ATXN7L1: variants seen among roughly 807,000 people sequenced by gnomAD.
The protein encoded by ATXN7L1 is ataxin-7-like protein 1.
A neutral mutation model predicts 70.8 loss-of-function variants in ATXN7L1; 15 were observed. That is an observed-to-expected ratio of 0.21 (90% CI 0.14 to 0.33). The LOEUF is 0.33. ATXN7L1 is among the 10% of genes least tolerant of loss of function. The pLI, the probability that ATXN7L1 is intolerant of heterozygous loss-of-function variation, is 1.00. For synonymous variants in ATXN7L1, 440 were observed against 445.1 expected (o/e 0.99, Z 0.14); for missense variants, 975 against 1,097.1 (o/e 0.89, Z 1.57).
At chr7:105,702,797 C>A (rs1003330646) in intron 3 of ATXN7L1, among the ~76,000 whole-genome samples, 1 of 151,892 alleles carries the variant, frequency 6.6e-6, no homozygotes, top group East Asian at 1.9e-4. Flanking sequence ...CTGACCAACA[C>A]GGAGAAACCC....
chr7:105,625,449 CCA>C (rs1795559027), intron 7 of ATXN7L1, among the ~76,000 whole-genome samples: 1 of 152,078 alleles, frequency 6.6e-6, no homozygotes, highest in Admixed American at 6.6e-5. Context: ...CAGGGTTTCA[CCA>C]TGTTGGCCAG....
chr7:105,793,865 A>T (rs550076728), intron 2 of ATXN7L1, among the ~76,000 whole-genome samples: 1 of 152,290 alleles, frequency 6.6e-6, no homozygotes, highest in South Asian at 2.1e-4. Flanking sequence ...TTCAGATGAG[A>T]AAACAGAGGT....
At chr7:105,841,149 A>G (rs1379660287) in intron 2 of ATXN7L1, among the ~76,000 whole-genome samples, 4 of 152,182 alleles carry the variant, frequency 2.6e-5, no homozygotes, top group Non-Finnish European at 5.9e-5. Context: ...CCGGTGTCTA[A>G]TGGCATTGGA....
chr7:105,849,607 G>A (rs1472654188), intron 2 of ATXN7L1, among the ~76,000 whole-genome samples: 1 of 152,214 alleles, frequency 6.6e-6, no homozygotes, highest in Non-Finnish European at 1.5e-5. Flanking sequence ...TTGGTTTCAT[G>A]ACACCTCTTC....
chr7:105,718,500 A>C (rs1794819880), intron 3 of ATXN7L1, among the ~76,000 whole-genome samples: 1 of 152,260 alleles, frequency 6.6e-6, no homozygotes, highest in Non-Finnish European at 1.5e-5. Context: ...CCAAAGAGGC[A>C]GGGTCATATC....
intron 2 of ATXN7L1, among the ~76,000 whole-genome samples, chr7:105,829,840 G>C (rs950836897): frequency 6.6e-6 from 1 of 152,198 alleles, no homozygotes; most frequent in Non-Finnish European, 1.5e-5. Context: ...GACCTTACAG[G>C]GACCTTCTCT....
intron 7 of ATXN7L1, among the ~76,000 whole-genome samples, chr7:105,633,703 G>C (rs753987766): frequency 6.6e-6 from 1 of 152,140 alleles, no homozygotes; most frequent in Admixed American, 6.5e-5. Context: ...CTGGGTGACA[G>C]GGGGGAGACT....
At chr7:105,652,463 C>T (rs1799993734) in intron 4 of ATXN7L1, among the ~76,000 whole-genome samples, 1 of 152,202 alleles carries the variant, frequency 6.6e-6, no homozygotes. Context: ...GCCCCAAGCA[C>T]CCTGTCCCCA....
intron 11 of ATXN7L1, among the ~76,000 whole-genome samples, chr7:105,608,650 C>A (rs116333161): frequency 2.1e-3 from 317 of 152,222 alleles, no homozygotes; most frequent in Middle Eastern, 6.8e-3. Flanking sequence ...TATAAATGTG[C>A]CTTCCCACCC....
intron 3 of ATXN7L1, among the ~76,000 whole-genome samples, chr7:105,741,890 C>G (rs1798058806): frequency 6.6e-6 from 1 of 152,182 alleles, no homozygotes; most frequent in East Asian, 1.9e-4. Flanking sequence ...AATGCCCAAG[C>G]CTTCCAGCAA....
intron 3 of ATXN7L1, among the ~76,000 whole-genome samples, chr7:105,771,767 A>G (rs1802044744): frequency 6.6e-6 from 1 of 152,222 alleles, no homozygotes; most frequent in South Asian, 2.1e-4. Flanking sequence ...GGATAACTTT[A>G]GTCTTTAAAA....
chr7:105,678,153 T>C (rs1345395599), intron 3 of ATXN7L1: 1 of 361,178 alleles, frequency 2.8e-6, no homozygotes, highest in Non-Finnish European at 3.8e-6. Context: ...AAGCAAAAGG[T>C]CTGAGTTATT....
At chr7:105,663,926 T>C (rs1584599282) in intron 4 of ATXN7L1, among the ~76,000 whole-genome samples, 3 of 152,040 alleles carry the variant, frequency 2.0e-5, no homozygotes, top group African/African-American at 4.8e-5. Flanking sequence ...TGTAACACTA[T>C]GCCCAGCTAA....
At chr7:105,873,076 C>A (rs1818509755) in intron 2 of ATXN7L1, among the ~76,000 whole-genome samples, 1 of 152,156 alleles carries the variant, frequency 6.6e-6, no homozygotes, top group South Asian at 2.1e-4. Flanking sequence ...AGGGTGTGAA[C>A]CCGGGAGGCG....
At chr7:105,749,018 A>G (rs1798892369) in intron 3 of ATXN7L1, among the ~76,000 whole-genome samples, 1 of 152,128 alleles carries the variant, frequency 6.6e-6, no homozygotes, top group South Asian at 2.1e-4. Flanking sequence ...AGGAGAAGGA[A>G]GGGAACAGCT....
At position 105,809,639 on chromosome 7, in the gene ATXN7L1, C is replaced by T. The variant is rs778177767; in HGVS notation, c.251-20931G>A. ...CATGGTAAGTGGTTACATATATTAA[C>T]GTATTTAGCCCTCACAGAAACCCTT... On this transcript the variant is annotated intron_variant, in intron 2 of 11. Coordinates refer to ENST00000419735, the MANE Select transcript of ATXN7L1 (RefSeq NM_020725.2). 3.9e-5 allele frequency among the ~76,000 whole-genome samples: 6 copies of T among 152,264 alleles called. 1 individual carries two copies. The highest frequency in any genetic ancestry group is 4.2e-4 in the South Asian group (2 of 4,816).
At position 105,876,504 on chromosome 7, in the gene ATXN7L1, T is replaced by C; in HGVS notation, c.55A>G (p.Thr19Ala). The C allele has an allele frequency of 6.2e-7, 1 of 1,613,416 alleles. No individual in the cohort carries two copies. Among genetic ancestry groups the C allele is most frequent in the Admixed American group, 1.7e-5 (1 of 59,994 alleles). Residue 19 changes from threonine (T) to alanine (A), a missense_variant, in exon 1 of 12, where the codon ACA becomes GCA. Coordinates refer to ENST00000419735, the MANE Select transcript of ATXN7L1 (RefSeq NM_020725.2). ...CTTCCTTCTTGTTGCTTTTTCCCTGTTCCTTCGGCAGCAGCAGCCGAGAGA... is the reference window on the plus strand; with the variant it reads ...CTTCCTTCTTGTTGCTTTTTCCCTGCTCCTTCGGCAGCAGCAGCCGAGAGA... Reference protein sequence around the residue: ...PCLSAAAAEGTGKKQQEGRAM... With the variant: ...PCLSAAAAEGAGKKQQEGRAM...
At chr7:105,696,385 C>T (rs764149046) in intron 3 of ATXN7L1, among the ~76,000 whole-genome samples, 10 of 152,136 alleles carry the variant, frequency 6.6e-5, no homozygotes, top group African/African-American at 2.2e-4. Context: ...AGTCTTGGCA[C>T]GGAAACTCGT....
At chr7:105,644,030 G>A (rs1798639674) in intron 4 of ATXN7L1, among the ~76,000 whole-genome samples, 1 of 152,320 alleles carries the variant, frequency 6.6e-6, no homozygotes. Flanking sequence ...CTCCTGGCAG[G>A]AGGGAAGAAT....
Sources: gnomAD v4.1 joint callset for allele counts (sites outside exome capture counted in the v4.1 genomes callset) on GRCh38, gnomAD v4.1.1 for gene constraint, MANE v1.5 for transcripts, NCBI Gene and HGNC (gene_info 2026-07-23, HGNC 2026-07-21) for gene names.